Variants in PFKFB3 observed in about 807,000 individuals in gnomAD.
PFKFB3 encodes the protein 6-phosphofructo-2-kinase/fructose-2,6-bisphosphatase 3.
Under a neutral mutation model 68.0 loss-of-function variants are expected in PFKFB3, and 33 were observed. The ratio of observed to expected loss-of-function variants is 0.49; its 90% CI spans 0.37 to 0.65. The LOEUF (loss-of-function observed/expected upper bound fraction) is 0.65. PFKFB3 is among the 30% of genes least tolerant of loss of function. PFKFB3 has a pLI of 0.00. For synonymous variants in PFKFB3, 315 were observed against 288.2 expected (o/e 1.09, Z -0.94); for missense variants, 586 against 712.2 (o/e 0.82, Z 2.02).
chr10:6,174,719 G>A (rs983297344), intron 1 of PFKFB3, among the ~76,000 whole-genome samples: 71 of 152,326 alleles, frequency 4.7e-4, no homozygotes, highest in African/African-American at 1.7e-3. Context: ...TGTGATCTCC[G>A]TGCAGCCCTC....
chr10:6,225,048 TG>T (rs1564639157), intron 13 of PFKFB3: 2 of 449,844 alleles, frequency 4.4e-6, no homozygotes, highest in Non-Finnish European at 4.5e-6. Flanking sequence ...CTGTCTACCT[TG>T]GGGGGAGGCC....
chr10:6,188,936 G>T (rs1449255371), intron 1 of PFKFB3, among the ~76,000 whole-genome samples: 1 of 148,256 alleles, frequency 6.7e-6, no homozygotes, highest in Non-Finnish European at 1.5e-5. Flanking sequence ...CCAGGTTCAC[G>T]CCATTCTCCT....
rs978860208 is a variant in PFKFB3, at chr10:6,228,953, C to T, written c.1515+2588C>T. Among the ~76,000 whole-genome samples, 3 of 152,224 alleles carry T rather than the reference C, an allele frequency of 2.0e-5. No individual in the cohort carries two copies. Among genetic ancestry groups the T allele is most frequent in the Non-Finnish European group, 4.4e-5 (3 of 68,036 alleles). On this transcript the variant is annotated intron_variant, in intron 14 of 14. Coordinates refer to ENST00000379775, the MANE Select transcript of PFKFB3 (RefSeq NM_004566.4). This position sits in a 1 kb window ranked among gnomAD's most constrained non-coding sequence, Gnocchi z 4.5. ...CTGGGTAGCTGGGGCTGTGTTCCCA[C>T]TGCTCTGGGATCCCTTCCCCACCAG...
In PFKFB3 at chr10:6,215,711, TTTC is replaced by T. The variant is rs1844529949; in HGVS notation, c.299+397_299+399del. ...AGTGTCTGTTTATGTTTGGAAAGGA[TTTC>T]TTGTTAAGTGCGAGTTGATTGTGAA... On this transcript the variant is annotated intron_variant, in intron 3 of 14. Transcript: ENST00000379775. The surrounding 1 kb of genome is among the most constrained non-coding windows in gnomAD (Gnocchi z 4.3). Among the ~76,000 whole-genome samples the T allele has an allele frequency of 2.0e-5, 3 of 152,298 alleles. No homozygotes were observed. Among genetic ancestry groups the T allele is most frequent in the Admixed American group, 1.3e-4 (2 of 15,302 alleles).
rs530859862 is a variant in PFKFB3, at chr10:6,179,894, A to G, written c.17-33729A>G. On this transcript the variant is annotated intron_variant, in intron 1 of 14. Transcript: ENST00000379789. ...GATGAGAAGACCGTTGAGCCCCCAG[A>G]GTGACACCCAAGCATGTAACTAACT... 2.2e-3 allele frequency among the ~76,000 whole-genome samples: 340 copies of G among 152,242 alleles called. 2 individuals carry two copies. Among genetic ancestry groups the G allele is most frequent in the African/African-American group, 7.9e-3 (329 of 41,530 alleles).
rs942014095 is a variant in PFKFB3, at chr10:6,154,009, C to A, written c.16+8996C>A. On this transcript the variant is annotated intron_variant, in intron 1 of 14. Transcript: ENST00000379789. This position sits in a 1 kb window ranked among gnomAD's most constrained non-coding sequence, Gnocchi z 4.6. ...GCAGACAGTACCATTAGCTCAGGAG[C>A]ATGTCCAAATAGGGAAGTGCGAGGC... is the stretch of plus-strand genomic sequence containing the variant. Among the ~76,000 whole-genome samples the A allele has an allele frequency of 6.6e-6, 1 of 152,124 alleles. No homozygotes were observed. The highest frequency in any genetic ancestry group is 1.5e-5 in the Non-Finnish European group (1 of 68,018).
At chr10:6,252,305 T>C (rs1198932408) in intron 14 of PFKFB3, among the ~76,000 whole-genome samples, 2 of 152,254 alleles carry the variant, frequency 1.3e-5, no homozygotes, top group African/African-American at 4.8e-5. Flanking sequence ...ACTTTCTCTG[T>C]AAGTTTCCTT....
chr10:6,265,370 C>T, the PFKFB3 span, among the ~76,000 whole-genome samples: 2 of 152,110 alleles, frequency 1.3e-5, no homozygotes, highest in Admixed American at 6.6e-5. Context: ...CATGAGCCAC[C>T]GCCCCTCACC....
At chr10:6,178,903 C>T (rs1008287960) in intron 1 of PFKFB3, among the ~76,000 whole-genome samples, 1 of 152,200 alleles carries the variant, frequency 6.6e-6, no homozygotes, top group African/African-American at 2.4e-5. Context: ...AGAAGTGTCC[C>T]CAACCCAGTT....
intron 1 of PFKFB3, among the ~76,000 whole-genome samples, chr10:6,148,939 G>A (rs1188891605): frequency 6.6e-6 from 1 of 152,064 alleles, no homozygotes; most frequent in Non-Finnish European, 1.5e-5. Flanking sequence ...ATCAGCTGGG[G>A]GTGGTGGCGT....
At chr10:6,172,161 A>G (rs1433722167) in intron 1 of PFKFB3, among the ~76,000 whole-genome samples, 3 of 152,270 alleles carry the variant, frequency 2.0e-5, no homozygotes, top group African/African-American at 7.2e-5. Flanking sequence ...ATCAGTTCCC[A>G]TCAGGCATGC....
At chr10:6,248,023 C>T (rs1025443694) in intron 14 of PFKFB3, among the ~76,000 whole-genome samples, 1 of 152,216 alleles carries the variant, frequency 6.6e-6, no homozygotes, top group Non-Finnish European at 1.5e-5. Flanking sequence ...GTAACAATGG[C>T]TGCCAAGTGG....
At chr10:6,278,343 T>C in the PFKFB3 span, among the ~76,000 whole-genome samples, 1 of 151,382 alleles carries the variant, frequency 6.6e-6, no homozygotes, top group African/African-American at 2.4e-5. Flanking sequence ...TGGCACGATC[T>C]TGGGTCACTG....
At chr10:6,211,876 T>C (rs1365691027) in intron 1 of PFKFB3, among the ~76,000 whole-genome samples, 3 of 152,232 alleles carry the variant, frequency 2.0e-5, no homozygotes, top group Non-Finnish European at 4.4e-5. Context: ...AGGCCCGGCA[T>C]GCCATGCCTG....
chr10:6,182,850 GC>G (rs1588435243), intron 1 of PFKFB3, among the ~76,000 whole-genome samples: 1 of 152,222 alleles, frequency 6.6e-6, no homozygotes, highest in African/African-American at 2.4e-5. Flanking sequence ...AGAGGGCTGA[GC>G]CTCTGCCAGA....
downstream of PFKFB3, among the ~76,000 whole-genome samples, chr10:6,238,829 C>A (rs1367235956): frequency 6.6e-6 from 1 of 152,156 alleles, no homozygotes; most frequent in Non-Finnish European, 1.5e-5. Flanking sequence ...ATCTGGTTTT[C>A]TGTTCCTGCA....
the PFKFB3 span, among the ~76,000 whole-genome samples, chr10:6,307,330 T>C: frequency 1.0e-5 from 1 of 99,186 alleles, no homozygotes; most frequent in African/African-American, 3.0e-5. Context: ...GCATGCGTAC[T>C]ACACACACAC....
intron 1 of PFKFB3, among the ~76,000 whole-genome samples, chr10:6,177,438 C>CTTTTCTTTCTTTCTTTCTT (rs1554842946): frequency 2.7e-4 from 23 of 86,630 alleles, no homozygotes; most frequent in Admixed American, 1.0e-3. Flanking sequence ...TCTTTTCTTT[C>CTTTTCTTTCTTTCTTTCTT]TCTTTCTTTC....
intron 1 of PFKFB3, among the ~76,000 whole-genome samples, chr10:6,188,118 G>C (rs561496079): frequency 1.6e-4 from 24 of 151,842 alleles, no homozygotes; most frequent in South Asian, 8.3e-4. Context: ...TATATGTCGT[G>C]CCCAGCCCCT....
Sources: gnomAD v4.1 joint callset for allele counts (sites outside exome capture counted in the v4.1 genomes callset) on GRCh38, gnomAD v4.1.1 for gene constraint, Gnocchi (gnomAD v3.1) non-coding constraint, MANE v1.5 for transcripts, NCBI Gene and HGNC (gene_info 2026-07-23, HGNC 2026-07-21) for gene names.